KCNMA1: variants seen among roughly 807,000 people sequenced by gnomAD.
KCNMA1 encodes the protein Calcium-activated potassium channel subunit alpha-1.
Under a neutral mutation model 140.0 loss-of-function variants are expected in KCNMA1, and 29 were observed. The ratio of observed to expected loss-of-function variants is 0.21; its 90% CI spans 0.15 to 0.28. The LOEUF (loss-of-function observed/expected upper bound fraction) is 0.28, where lower values mean the gene tolerates loss of function less well. Among genes scored for constraint, KCNMA1 ranks in the 10% least tolerant of loss-of-function variants. The probability of loss-of-function intolerance (pLI) is 1.00; values close to 1 mark genes in which losing one functional copy is unlikely to be tolerated. For missense variants in KCNMA1, 880 were observed against 1,602.2 expected (o/e 0.55, Z 7.70); for synonymous variants, 612 against 611.9 (o/e 1.00, Z 0.00).
At chr10:77,292,089 C>G (rs998912611) in intron 2 of KCNMA1, among the ~76,000 whole-genome samples, 1 of 152,204 alleles carries the variant, frequency 6.6e-6, no homozygotes, top group Admixed American at 6.5e-5. Context: ...AAAGTGTCAG[C>G]AGGCTCAGAT....
intron 2 of KCNMA1, among the ~76,000 whole-genome samples, chr10:77,373,208 G>A (rs1005626714): frequency 1.1e-4 from 17 of 152,144 alleles, no homozygotes; most frequent in African/African-American, 4.1e-4. Flanking sequence ...CCTCATTAAT[G>A]AGCTAAATGC....
intron 1 of KCNMA1, among the ~76,000 whole-genome samples, chr10:77,595,732 C>A (rs975415695): frequency 5.3e-5 from 8 of 152,208 alleles, no homozygotes; most frequent in Admixed American, 4.6e-4. Flanking sequence ...GTGGCGCAAT[C>A]TTTGCCTCCC....
intron 1 of KCNMA1, among the ~76,000 whole-genome samples, chr10:77,632,115 T>C (rs931121835): frequency 1.3e-5 from 2 of 152,088 alleles, no homozygotes; most frequent in Non-Finnish European, 2.9e-5. Flanking sequence ...TTGAGGGCAT[T>C]TTAACCACTT....
At chr10:76,914,042 A>C (rs1412309838) in intron 24 of KCNMA1, 1 of 1,537,132 alleles carries the variant, frequency 6.5e-7, no homozygotes, top group East Asian at 2.4e-5. Flanking sequence ...TGTGAAGGAA[A>C]ACAGTGCTTC....
intron 14 of KCNMA1, among the ~76,000 whole-genome samples, chr10:77,045,369 C>T (rs2094981211): frequency 6.6e-6 from 1 of 152,212 alleles, no homozygotes; most frequent in African/African-American, 2.4e-5. Context: ...TAGAAGAGCG[C>T]CTAGCAAAGA....
intron 19 of KCNMA1, among the ~76,000 whole-genome samples, chr10:76,976,760 T>G (rs1241028538): frequency 1.3e-5 from 2 of 152,178 alleles, no homozygotes; most frequent in Non-Finnish European, 2.9e-5. Context: ...ATTTTCTGGT[T>G]GCCTTTAGCC....
chr10:76,973,664 T>C (rs1008931085), intron 19 of KCNMA1, among the ~76,000 whole-genome samples: 1 of 152,176 alleles, frequency 6.6e-6, no homozygotes, highest in African/African-American at 2.4e-5. Context: ...TTACTCGACT[T>C]TTCATCAGCA....
intron 3 of KCNMA1, among the ~76,000 whole-genome samples, chr10:77,247,174 C>T (rs1208955119): frequency 1.3e-5 from 2 of 152,142 alleles, no homozygotes; most frequent in East Asian, 1.9e-4. Flanking sequence ...GAAGTAGCAG[C>T]GTTTAAACAT....
intron 2 of KCNMA1, among the ~76,000 whole-genome samples, chr10:77,298,775 C>T (rs1169656689): frequency 1.3e-5 from 2 of 152,180 alleles, no homozygotes; most frequent in Non-Finnish European, 2.9e-5. Context: ...CAGCAGAGTT[C>T]TTTCCAGTGC....
chr10:77,229,298 T>G (rs1175446333), intron 3 of KCNMA1, among the ~76,000 whole-genome samples: 1 of 137,330 alleles, frequency 7.3e-6, no homozygotes, highest in Non-Finnish European at 1.5e-5. Context: ...ATTTGGGTAT[T>G]AATTTAATCA....
At chr10:76,971,822 A>T (rs2076162788) in intron 19 of KCNMA1, among the ~76,000 whole-genome samples, 1 of 152,224 alleles carries the variant, frequency 6.6e-6, no homozygotes, top group Admixed American at 6.5e-5. Flanking sequence ...CAAGCCACAT[A>T]AATGGTATTG....
intron 3 of KCNMA1, among the ~76,000 whole-genome samples, chr10:77,240,728 A>G (rs985500956): frequency 6.6e-6 from 1 of 152,222 alleles, no homozygotes; most frequent in African/African-American, 2.4e-5. Flanking sequence ...CATAGGAACA[A>G]TCAGCTGGAC....
chr10:77,222,548 T>C (rs11002088), intron 3 of KCNMA1, among the ~76,000 whole-genome samples: 33,569 of 152,156 alleles, frequency 0.22, 4,347 homozygotes, highest in Non-Finnish European at 0.28. Context: ...TCTACCTGGG[T>C]CAGTTCGCTG....
intron 2 of KCNMA1, chr10:77,376,621 T>G (rs2095120069): frequency 1.3e-5 from 1 of 79,294 alleles, no homozygotes; most frequent in Non-Finnish European, 2.2e-5. Flanking sequence ...CCACATAAGT[T>G]TTTTTTTTTT....
chr10:77,562,670 C>A (rs1340335288), intron 1 of KCNMA1, among the ~76,000 whole-genome samples: 1 of 152,196 alleles, frequency 6.6e-6, no homozygotes. Context: ...CAATCCAGAA[C>A]TTTAGTAATT....
At chr10:77,157,477 ATTC>A (rs80319585) in intron 5 of KCNMA1, among the ~76,000 whole-genome samples, 30,623 of 152,072 alleles carry the variant, frequency 0.2, 4,530 homozygotes, top group East Asian at 0.7. Context: ...TGTTGGACAC[ATTC>A]TTCTTGGCAT....
intron 2 of KCNMA1, among the ~76,000 whole-genome samples, chr10:77,307,610 G>A (rs879611219): frequency 3.3e-5 from 5 of 152,074 alleles, no homozygotes; most frequent in Non-Finnish European, 5.9e-5. Context: ...GCAGTGGCGC[G>A]ATCTTGGCTC....
At chr10:77,141,246 C>T (rs1399420381) in intron 5 of KCNMA1, among the ~76,000 whole-genome samples, 16 of 152,144 alleles carry the variant, frequency 1.1e-4, no homozygotes, top group Admixed American at 9.8e-4. Flanking sequence ...TTGTTTTCAG[C>T]ATCTTCTCTC....
intron 19 of KCNMA1, among the ~76,000 whole-genome samples, chr10:76,999,998 A>G (rs755252368): frequency 6.6e-6 from 1 of 152,146 alleles, no homozygotes; most frequent in Non-Finnish European, 1.5e-5. Flanking sequence ...GATCCCGGCT[A>G]CACAGCCGCA....
Sources: allele counts gnomAD v4.1 joint callset (sites outside exome capture counted in the v4.1 genomes callset), GRCh38; gene constraint gnomAD v4.1.1; transcripts MANE v1.5; gene names NCBI Gene and HGNC (gene_info 2026-07-23, HGNC 2026-07-21).